Variants in EXT2 observed in about 807,000 individuals in gnomAD.
The protein encoded by EXT2 is exostosin-2.
A neutral mutation model predicts 81.6 loss-of-function variants in EXT2; 53 were observed. The ratio of observed to expected loss-of-function variants is 0.65; its 90% confidence interval spans 0.52 to 0.82. The LOEUF (loss-of-function observed/expected upper bound fraction) is 0.82, where lower values mean the gene tolerates loss of function less well. Among genes scored for constraint, EXT2 ranks in the 40% least tolerant of loss-of-function variants. EXT2 has a pLI of 0.00. For synonymous variants in EXT2, 320 were observed against 340.0 expected, an observed-to-expected ratio of 0.94 and a Z score of 0.65; for missense variants, 774 against 910.2, an observed-to-expected ratio of 0.85 and a Z score of 1.93.
intron 8 of EXT2, among the ~76,000 whole-genome samples, chr11:44,186,056 C>T (rs1955306663): frequency 6.6e-6 from 1 of 152,170 alleles, no homozygotes; most frequent in South Asian, 2.1e-4. Context: ...CTAGTTTTTT[C>T]ACTGAAGCAT....
intron 10 of EXT2, among the ~76,000 whole-genome samples, chr11:44,223,713 T>C (rs1351475524): frequency 5.3e-5 from 8 of 149,836 alleles, no homozygotes; most frequent in Non-Finnish European, 1.5e-5. Flanking sequence ...TGTAGTGGCG[T>C]GATCTCCGCT....
chr11:44,201,047 C>T (rs984629614), intron 9 of EXT2, among the ~76,000 whole-genome samples: 1 of 152,134 alleles, frequency 6.6e-6, no homozygotes, highest in Non-Finnish European at 1.5e-5. Context: ...TTCTGCAACG[C>T]ATTTGAAAAA....
At position 44,107,701 on chromosome 11, in the gene EXT2, GTC is replaced by G. The variant is rs1954075139; in HGVS notation, c.-10_-9del. On this transcript the variant is annotated 5_prime_UTR_variant, in exon 2 of 14. Coordinates refer to ENST00000533608, the MANE Select transcript of EXT2 (RefSeq NM_207122.2). ...TGACCAGGAGTGTGAGGAAGAGGCT[GTC>G]TGTGTCATTATGTGTGCGTCGGTCA... is the stretch of plus-strand genomic sequence containing the variant. 7 of 1,612,124 alleles carry G rather than the reference GTC, an allele frequency of 4.3e-6. No homozygotes were observed. The highest frequency in any genetic ancestry group is 2.7e-5 in the African/African-American group (2 of 74,876).
rs1298615035 is a variant in EXT2 at position 44,224,103 on chromosome 11, C to G, written c.1663-8250C>G. The stretch of plus-strand genomic sequence containing the variant: ...AAACTGGGTAAAGCGTATACAGGCT[C>G]TCTGCATTATTTCTTACAACTACAT... On this transcript the variant is annotated intron_variant, in intron 10 of 13. Coordinates refer to ENST00000533608, the MANE Select transcript of EXT2 (RefSeq NM_207122.2). 2.0e-5 allele frequency among the ~76,000 whole-genome samples: 3 copies of G among 152,122 alleles called. No individual in the cohort carries two copies. The East Asian group carries it at 5.8e-4, about 29-fold the overall frequency.
At chr11:44,232,268 T>A in intron 10 of EXT2, 85 bp from the exon 11 acceptor site, 1 of 1,573,692 alleles carries the variant, frequency 6.4e-7, no homozygotes, top group South Asian at 1.1e-5. Context: ...ACCTAGGAAG[T>A]CTGTTGATAC....
At chr11:44,112,079 A>G (rs1243646206) in intron 3 of EXT2, among the ~76,000 whole-genome samples, 1 of 152,122 alleles carries the variant, frequency 6.6e-6, no homozygotes, top group African/African-American at 2.4e-5. Context: ...GAAGCTTTAT[A>G]TTTGAGGAAT....
chr11:44,184,881 A>G (rs1266203558), intron 8 of EXT2, among the ~76,000 whole-genome samples: 1 of 152,228 alleles, frequency 6.6e-6, no homozygotes, highest in Non-Finnish European at 1.5e-5. Flanking sequence ...ACTCTTCATT[A>G]TGGTAAATAC....
At chr11:44,127,240 A>G (rs1041461648) in intron 6 of EXT2, among the ~76,000 whole-genome samples, 5 of 152,170 alleles carry the variant, frequency 3.3e-5, no homozygotes, top group African/African-American at 1.2e-4. Context: ...GAGTTAAGTA[A>G]TTGCAACAGA....
rs116748165 is a variant in EXT2, at chr11:44,119,749, C to A, written c.744-5040C>A. On this transcript the variant is annotated intron_variant, in intron 4 of 13. Coordinates refer to ENST00000533608, the MANE Select transcript of EXT2 (RefSeq NM_207122.2). ...AGCCTTTCTAAGGAGAACACTCAGG[C>A]CTGCTATGTTAATTCTTCTCTGCAT... Among the ~76,000 whole-genome samples, 592 of 152,338 alleles carry A rather than the reference C, an allele frequency of 3.9e-3. 4 individuals are homozygous for A. The highest frequency in any genetic ancestry group is 0.013 in the African/African-American group (560 of 41,572).
intron 10 of EXT2, among the ~76,000 whole-genome samples, chr11:44,222,859 A>G (rs1955796756): frequency 6.6e-6 from 1 of 151,726 alleles, no homozygotes; most frequent in Non-Finnish European, 1.5e-5. Context: ...ATATACTTGG[A>G]GATAATATTT....
At chr11:44,189,220 C>T (rs909536756) in intron 8 of EXT2, among the ~76,000 whole-genome samples, 1 of 152,146 alleles carries the variant, frequency 6.6e-6, no homozygotes, top group South Asian at 2.1e-4. Context: ...GTTTCAGGAG[C>T]TTTAAGTTGA....
At chr11:44,101,239 A>G (rs1048385750) in intron 1 of EXT2, among the ~76,000 whole-genome samples, 6 of 152,212 alleles carry the variant, frequency 3.9e-5, no homozygotes, top group African/African-American at 9.6e-5. Context: ...GTGACCTAGC[A>G]AGGACAGCTG....
At chr11:44,105,634 T>C (rs1200008179) in intron 1 of EXT2, among the ~76,000 whole-genome samples, 1 of 152,192 alleles carries the variant, frequency 6.6e-6, no homozygotes, top group African/African-American at 2.4e-5. Context: ...GATGCCAAAA[T>C]AGCTTGTTGC....
intron 10 of EXT2, among the ~76,000 whole-genome samples, chr11:44,217,228 A>G (rs1955730302): frequency 1.3e-5 from 2 of 152,080 alleles, no homozygotes; most frequent in Non-Finnish European, 2.9e-5. Context: ...ATTGAATATA[A>G]TCCTTAAAGG....
intron 13 of EXT2, among the ~76,000 whole-genome samples, chr11:44,241,796 C>G (rs1415608818): frequency 6.6e-6 from 1 of 152,228 alleles, no homozygotes; most frequent in Non-Finnish European, 1.5e-5. Flanking sequence ...GGGCCACCGG[C>G]AACCAGCCAA....
rs1047259532 is a variant in EXT2, at chr11:44,250,065, G to A, written c.*5778G>A. Among the ~76,000 whole-genome samples, 4 of 152,204 alleles carry A rather than the reference G, an allele frequency of 2.6e-5. No homozygotes were observed. The highest frequency in any genetic ancestry group is 6.5e-5 in the Admixed American group (1 of 15,286). ...AGCCTGGGCGACAGAGCAAGACTCC[G>A]TCTCAAAAGAGAAAATGTTGTCTTT... On this transcript the variant is annotated 3_prime_UTR_variant, in exon 14 of 14. Transcript: ENST00000533608.
intron 1 of EXT2, among the ~76,000 whole-genome samples, chr11:44,102,455 G>T (rs575237804): frequency 1.4e-4 from 21 of 150,940 alleles, no homozygotes; most frequent in African/African-American, 4.9e-4. Context: ...CTGTCTCCTT[G>T]CTCCCTCACT....
At position 44,126,837 on chromosome 11, in the gene EXT2, C is replaced by G. The variant is rs777869971; in HGVS notation, c.961C>G (p.Leu321Val). ...VLQEATFCVV[L>V]RGARLGQAVL... ...GCAGGAGGCTACTTTCTGTGTGGTT[C>G]TTCGTGGAGCTCGGCTGGGCCAGGC... The change falls in exon 6 of 14, where the codon CTT becomes GTT. Residue 321 changes from leucine (L) to valine (V), a missense_variant. This residue lies in a region of EXT2 where 626 missense variants were observed against 670.5 expected (regional missense o/e 0.93). Transcript: ENST00000533608. 1.9e-6 allele frequency: 3 copies of G among 1,614,136 alleles called. No individual in the cohort carries two copies. The South Asian group carries it at 3.3e-5, about 18-fold the overall frequency.
chr11:44,099,433 C>T (rs1019032719), intron 1 of EXT2, among the ~76,000 whole-genome samples: 6 of 152,164 alleles, frequency 3.9e-5, no homozygotes, highest in Non-Finnish European at 7.3e-5. Flanking sequence ...GATTCGCCCG[C>T]CTCCACCTCC....
Sources: allele counts gnomAD v4.1 joint callset (sites outside exome capture counted in the v4.1 genomes callset), GRCh38; gene constraint gnomAD v4.1.1; regional missense constraint gnomAD v4.1.1; transcripts MANE v1.5; gene names NCBI Gene and HGNC (gene_info 2026-07-23, HGNC 2026-07-21).